MDGA2: variants seen among roughly 807,000 people sequenced by gnomAD.
MDGA2 encodes the protein MAM domain containing glycosylphosphatidylinositol anchor 2.
In MDGA2, 40 loss-of-function variants were observed where a neutral mutation model predicts 117.8. The ratio of observed to expected loss-of-function variants is 0.34; its 90% CI spans 0.26 to 0.44. The LOEUF is 0.44. Ranked by LOEUF, MDGA2 falls within the 20% of genes least tolerant of loss-of-function variation. The probability of loss-of-function intolerance (pLI) is 1.00; values close to 1 mark genes in which losing one functional copy is unlikely to be tolerated. For synonymous variants in MDGA2, 452 were observed against 439.0 expected (o/e 1.03, Z -0.37); for missense variants, 1,123 against 1,250.6 (o/e 0.90, Z 1.54).
At chr14:47,112,235 T>G (rs1309628661) in intron 5 of MDGA2, among the ~76,000 whole-genome samples, 1 of 152,202 alleles carries the variant, frequency 6.6e-6, no homozygotes, top group Admixed American at 6.5e-5. Flanking sequence ...TATGCTTTTT[T>G]AAAAAATGTG....
intron 1 of MDGA2, among the ~76,000 whole-genome samples, chr14:47,527,265 CA>C (rs1486101433): frequency 1.6e-4 from 24 of 152,246 alleles, no homozygotes; most frequent in African/African-American, 4.6e-4. Context: ...TAAAATAAAT[CA>C]GAAAATAAAT....
intron 14 of MDGA2, among the ~76,000 whole-genome samples, chr14:46,867,602 C>A (rs1200699430): frequency 1.3e-5 from 2 of 151,994 alleles, no homozygotes; most frequent in East Asian, 3.9e-4. Flanking sequence ...CATTCCTTCT[C>A]TACATTAAGT....
At chr14:47,231,710 G>A (rs1300642202) in intron 2 of MDGA2, among the ~76,000 whole-genome samples, 4 of 148,526 alleles carry the variant, frequency 2.7e-5, no homozygotes, top group East Asian at 2.0e-4. Context: ...TTCCTGGTAC[G>A]GAAAAAATAA....
At chr14:46,931,490 T>A (rs1223941030) in intron 9 of MDGA2, among the ~76,000 whole-genome samples, 1 of 151,284 alleles carries the variant, frequency 6.6e-6, no homozygotes, top group Non-Finnish European at 1.5e-5. Flanking sequence ...AGAAAAAAAA[T>A]GTGTTTCATT....
intron 1 of MDGA2, among the ~76,000 whole-genome samples, chr14:47,332,591 C>T (rs1204998388): frequency 6.6e-6 from 1 of 152,044 alleles, no homozygotes; most frequent in African/African-American, 2.4e-5. Context: ...AGTTAACTCA[C>T]TGTTAATGTA....
chr14:47,675,054 G>T lies in MDGA2; in HGVS notation c.-258C>A, dbSNP rs1898156802. 5.9e-6 allele frequency: 1 copy of T among 170,314 alleles called. No individual in the cohort carries two copies. Among genetic ancestry groups the T allele is most frequent in the East Asian group, 1.8e-4 (1 of 5,706 alleles). 10.6% of individuals were successfully genotyped at this position (170,314 alleles called of 1,614,324 possible). A position where few individuals can be genotyped will look rare whatever the true frequency, so the allele number is the denominator to read the frequency against. On this transcript the variant is annotated 5_prime_UTR_variant, in exon 1 of 17. Coordinates refer to ENST00000399232, the MANE Select transcript of MDGA2 (RefSeq NM_001113498.3). ...GGGCAGGGGGCCGGGGGTGCCGCGC[G>T]GTAGGAGCCTGGCTTGGACAGCCGA...
rs554073920 is a variant in MDGA2 at position 46,881,348 on chromosome 14, G to A, written c.2416+696C>T. On this transcript the variant is annotated intron_variant, in intron 11 of 16. Coordinates refer to ENST00000399232, the MANE Select transcript of MDGA2 (RefSeq NM_001113498.3). ...AGAGTAAACATATCATTGGTTGCCC[G>A]GACTGGAGAAAGGAGAGATAAATGG... 1.3e-4 allele frequency among the ~76,000 whole-genome samples: 20 copies of A among 152,166 alleles called. No homozygotes were observed. In the South Asian group the frequency reaches 1.5e-3, roughly 11 times the overall value.
intron 1 of MDGA2, among the ~76,000 whole-genome samples, chr14:47,641,279 T>C (rs1286696406): frequency 6.6e-6 from 1 of 151,904 alleles, no homozygotes; most frequent in Non-Finnish European, 1.5e-5. Context: ...ACAAAACAGG[T>C]TCCTTAGTCA....
At chr14:47,374,910 A>G (rs145891385) in intron 1 of MDGA2, among the ~76,000 whole-genome samples, 6,009 of 152,026 alleles carry the variant, frequency 0.04, 166 homozygotes, top group Middle Eastern at 0.071. Flanking sequence ...GATTTTCTTT[A>G]AACCTGACCT....
rs1002606595 is a variant in MDGA2, at chr14:47,233,965, G to A, written c.421-15770C>T. The stretch of plus-strand genomic sequence containing the variant: ...TGACACAATTGAAACTATTCAGCCT[G>A]TTTGTTGCCTCCTGAACTATTGAGG... On this transcript the variant is annotated intron_variant, in intron 2 of 16. Coordinates refer to ENST00000399232, the MANE Select transcript of MDGA2 (RefSeq NM_001113498.3). Among the ~76,000 whole-genome samples the A allele has an allele frequency of 9.9e-5, 15 of 152,196 alleles. No homozygotes were observed. In the East Asian group the frequency reaches 1.9e-3, roughly 20 times the overall value.
At chr14:47,309,409 T>C (rs1889563177) in intron 1 of MDGA2, among the ~76,000 whole-genome samples, 1 of 152,150 alleles carries the variant, frequency 6.6e-6, no homozygotes, top group Non-Finnish European at 1.5e-5. Context: ...GTGAAAGTAG[T>C]AAGATCCTAT....
rs201873208 is a variant in MDGA2, at chr14:47,470,083, G to GT, written c.281-168534dup. On this transcript the variant is annotated intron_variant, in intron 1 of 16. Transcript: ENST00000399232. The stretch of plus-strand genomic sequence containing the variant: ...TTTGTGAGGCTTCCTGTGGGATAGG[G>GT]TTTTTTTTTCATCTTTTTATTTATT... 2.5e-4 allele frequency among the ~76,000 whole-genome samples: 38 copies of GT among 149,090 alleles called. No homozygotes were observed. The East Asian group carries it at 5.0e-3, about 20-fold the overall frequency.
chr14:47,655,926 G>A (rs1201044915), intron 1 of MDGA2, among the ~76,000 whole-genome samples: 3 of 152,130 alleles, frequency 2.0e-5, no homozygotes, highest in Non-Finnish European at 2.9e-5. Context: ...AGTATCTTTA[G>A]TGTGACAAGC....
At chr14:46,870,978 A>G (rs1881971154) in intron 14 of MDGA2, 1 of 151,976 alleles carries the variant, frequency 6.6e-6, no homozygotes, top group African/African-American at 2.4e-5. Context: ...CAATTAAAAT[A>G]TGTGATCCAA....
chr14:47,035,159 A>C lies in MDGA2; in HGVS notation c.1671T>G (p.Asp557Glu). The C allele has an allele frequency of 1.2e-5, 19 of 1,614,148 alleles. No individual in the cohort carries two copies. Among genetic ancestry groups the C allele is most frequent in the Non-Finnish European group, 1.6e-5 (19 of 1,180,022 alleles). ...CATAACTCTCCATTTGCATTGATCC[A>C]TCAGGCATTGCAACTTCTTTATCCG... is the stretch of plus-strand genomic sequence containing the variant. ...SRADKEVAMPDGSMQMESYDG... is the reference protein window; with the variant it reads ...SRADKEVAMPEGSMQMESYDG... Residue 557 changes from aspartate (D) to glutamate (E), a missense_variant, in exon 8 of 17, where the codon GAT (aspartate) becomes GAG (glutamate). Asp to Glu is a conservative substitution (Grantham distance 45). This residue lies in a region of MDGA2 where 890 missense variants were observed against 1,050.3 expected (regional missense o/e 0.85). Transcript: ENST00000399232.
chr14:47,525,427 G>A (rs1426065861), intron 1 of MDGA2, among the ~76,000 whole-genome samples: 1 of 152,120 alleles, frequency 6.6e-6, no homozygotes, highest in African/African-American at 2.4e-5. Flanking sequence ...GGTTCAGCCT[G>A]GAATCCCAGC....
chr14:47,297,554 A>T (rs1006295549), intron 2 of MDGA2, among the ~76,000 whole-genome samples: 1 of 151,372 alleles, frequency 6.6e-6, no homozygotes, highest in Non-Finnish European at 1.5e-5. Context: ...GGAAGGAAAG[A>T]AAAAGGGTAG....
intron 7 of MDGA2, among the ~76,000 whole-genome samples, chr14:47,053,614 T>C (rs1009087881): frequency 2.5e-4 from 4 of 15,840 alleles, no homozygotes; most frequent in Non-Finnish European, 3.1e-4. Context: ...TATATATATA[T>C]ATATATATAT....
intron 1 of MDGA2, among the ~76,000 whole-genome samples, chr14:47,419,284 A>G (rs1465793320): frequency 1.3e-5 from 2 of 152,104 alleles, no homozygotes; most frequent in Non-Finnish European, 2.9e-5. Context: ...AATACTGCAC[A>G]CTTGAAAGAA....
Sources: gnomAD v4.1 joint callset for allele counts (sites outside exome capture counted in the v4.1 genomes callset) on GRCh38, gnomAD v4.1.1 for gene constraint, gnomAD v4.1.1 regional missense constraint, MANE v1.5 for transcripts, NCBI Gene and HGNC (gene_info 2026-07-23, HGNC 2026-07-21) for gene names.